Variants in CCDC171 observed in about 807,000 individuals in gnomAD.
CCDC171 encodes the protein coiled-coil domain-containing protein 171.
Under a neutral mutation model 168.2 loss-of-function variants are expected in CCDC171, and 177 were observed. The observed-to-expected ratio is 1.05, with a 90% CI of 0.93 to 1.19. The LOEUF (loss-of-function observed/expected upper bound fraction) is 1.19, where lower values mean the gene tolerates loss of function less well. Ranked by LOEUF, CCDC171 falls within the 50% of genes most tolerant of loss-of-function variation. The pLI, the probability that CCDC171 is intolerant of heterozygous loss-of-function variation, is 0.00. For missense variants in CCDC171, 1,991 were observed against 1,539.0 expected (o/e 1.29, Z -4.91); for synonymous variants, 687 against 540.8 (o/e 1.27, Z -3.75).
rs532942313 is a variant in CCDC171, at chr9:15,800,124, A to G, written c.3267+15430A>G. On this transcript the variant is annotated intron_variant, in intron 21 of 25. Transcript: ENST00000380701. ...TATACCAATTTCCCTTCTTTTGGGT[A>G]TATACCCAGCAGTGGGATTGCTGGA... is the stretch of plus-strand genomic sequence containing the variant. Among the ~76,000 whole-genome samples the G allele has an allele frequency of 8.5e-5, 13 of 152,258 alleles. No homozygotes were observed. The South Asian group carries it at 2.3e-3, about 27-fold the overall frequency.
chr9:15,987,270 A>T (rs1438677813), intron 3 of CCDC171, among the ~76,000 whole-genome samples: 1 of 152,100 alleles, frequency 6.6e-6, no homozygotes, highest in African/African-American at 2.4e-5. Flanking sequence ...CATTTAAAGA[A>T]CTCCTAAAAA....
chr9:15,993,953 T>A (rs1832289873), intron 3 of CCDC171, among the ~76,000 whole-genome samples: 1 of 152,090 alleles, frequency 6.6e-6, no homozygotes, highest in Non-Finnish European at 1.5e-5. Flanking sequence ...GATGGATAGG[T>A]TGTGGAGAAA....
chr9:15,819,687 A>G lies in CCDC171; in HGVS notation c.3268-27015A>G, dbSNP rs1357330000. On this transcript the variant is annotated intron_variant, in intron 21 of 25. Transcript: ENST00000380701. ...CAATACAGGAACACCCAGATTCATA[A>G]AGCAAGTCCTGAGTGACCTACAAAG... is the stretch of plus-strand genomic sequence containing the variant. Among the ~76,000 whole-genome samples, 11 of 117,804 alleles carry G rather than the reference A, an allele frequency of 9.3e-5. 2 individuals carry two copies. Among genetic ancestry groups the G allele is most frequent in the Non-Finnish European group, 2.1e-4 (11 of 52,422 alleles). 77.3% of individuals were successfully genotyped at this position (117,804 alleles called of 152,430 possible).
intron 20 of CCDC171, among the ~76,000 whole-genome samples, chr9:15,780,887 C>A (rs1049452226): frequency 2.6e-5 from 4 of 151,958 alleles, no homozygotes; most frequent in African/African-American, 9.7e-5. Flanking sequence ...TGCCATTTTA[C>A]TTAAATAATA....
intron 23 of CCDC171, among the ~76,000 whole-genome samples, chr9:15,860,081 ATAG>A (rs1438324293): frequency 2.0e-5 from 3 of 151,186 alleles, no homozygotes; most frequent in African/African-American, 7.3e-5. Context: ...ATAATTGTTC[ATAG>A]TAGTCTCTCA....
chr9:16,008,738 C>G (rs990130965), intron 3 of CCDC171, among the ~76,000 whole-genome samples: 1 of 152,176 alleles, frequency 6.6e-6, no homozygotes, highest in African/African-American at 2.4e-5. Context: ...TATACAGTAA[C>G]ATCTAACACC....
At chr9:15,696,446 A>G (rs1331203847) in intron 11 of CCDC171, among the ~76,000 whole-genome samples, 1 of 152,238 alleles carries the variant, frequency 6.6e-6, no homozygotes, top group African/African-American at 2.4e-5. Flanking sequence ...CTGTATCATA[A>G]TCATAATTTG....
Position 15,585,815 on chromosome 9 carries a change from T to C in CCDC171, c.353-5551T>C, listed in dbSNP as rs184304969. On this transcript the variant is annotated intron_variant, in intron 4 of 25. Coordinates refer to ENST00000380701, the MANE Select transcript of CCDC171 (RefSeq NM_173550.4). The stretch of plus-strand genomic sequence containing the variant: ...CAACATAGTGAAACCCCATCTCTAC[T>C]AAAAACAAAAACTAGCCAGGCATGG... Among the ~76,000 whole-genome samples, 403 of 152,040 alleles carry C rather than the reference T, an allele frequency of 2.7e-3. 3 individuals are homozygous for C. The highest frequency in any genetic ancestry group is 1.0e-3 in the Non-Finnish European group (68 of 67,976).
intron 24 of CCDC171, among the ~76,000 whole-genome samples, chr9:15,916,174 A>G (rs1824475066): frequency 6.6e-6 from 1 of 151,916 alleles, no homozygotes; most frequent in African/African-American, 2.4e-5. Context: ...TCTCAGAAAT[A>G]TTGAATCTTT....
chr9:16,067,807 G>C, the CCDC171 span, among the ~76,000 whole-genome samples: 1 of 152,138 alleles, frequency 6.6e-6, no homozygotes, highest in East Asian at 1.9e-4. Flanking sequence ...GTTCTGTTCT[G>C]TTCCATTGAT....
intron 16 of CCDC171, among the ~76,000 whole-genome samples, chr9:15,731,101 T>G (rs1408852779): frequency 1.3e-5 from 2 of 152,088 alleles, no homozygotes; most frequent in Non-Finnish European, 2.9e-5. Flanking sequence ...CTTGCTATTG[T>G]GAAATACACA....
intron 7 of CCDC171, among the ~76,000 whole-genome samples, chr9:15,628,966 G>T (rs1481412903): frequency 1.3e-5 from 2 of 152,184 alleles, no homozygotes; most frequent in Non-Finnish European, 2.9e-5. Context: ...ATGCAGCTGA[G>T]GGTCCTGTCT....
chr9:15,650,013 T>G (rs7038778), intron 7 of CCDC171, among the ~76,000 whole-genome samples: 68,593 of 151,584 alleles, frequency 0.45, 15,774 homozygotes, highest in Non-Finnish European at 0.5. Context: ...TGTCCAACCA[T>G]GATAGACTGG....
At chr9:15,764,383 A>G (rs1254838090) in intron 18 of CCDC171, among the ~76,000 whole-genome samples, 6 of 152,230 alleles carry the variant, frequency 3.9e-5, no homozygotes, top group African/African-American at 1.4e-4. Context: ...ATGAGGAACA[A>G]TGGTAGCTTG....
At chr9:16,028,396 A>C (rs12379466) in intron 6 of CCDC171, among the ~76,000 whole-genome samples, 2 of 152,012 alleles carry the variant, frequency 1.3e-5, no homozygotes, top group Non-Finnish European at 2.9e-5. Context: ...AAAGCAGACC[A>C]AAGTAGATCT....
chr9:15,608,291 C>T (rs1286193834), intron 6 of CCDC171, among the ~76,000 whole-genome samples: 4 of 152,214 alleles, frequency 2.6e-5, no homozygotes, highest in African/African-American at 9.6e-5. Context: ...AACCATAACA[C>T]TGACATTGAG....
chr9:15,978,751 A>C (rs1434616292), downstream of CCDC171, among the ~76,000 whole-genome samples: 1 of 152,194 alleles, frequency 6.6e-6, no homozygotes, highest in Non-Finnish European at 1.5e-5. Context: ...AATATAGTTC[A>C]CGTAACATAC....
At chr9:15,678,636 TTA>T in intron 9 of CCDC171, 120 bp from the exon 10 acceptor site, 1 of 717,890 alleles carries the variant, frequency 1.4e-6, no homozygotes, top group Non-Finnish European at 2.1e-6. Flanking sequence ...GGAGTTAGCC[TTA>T]AAAAGTCTTT....
chr9:15,688,371 G>T (rs2050558948), intron 10 of CCDC171, among the ~76,000 whole-genome samples: 1 of 152,062 alleles, frequency 6.6e-6, no homozygotes, highest in Non-Finnish European at 1.5e-5. Flanking sequence ...ATCATTCTGT[G>T]AAATCAGTAT....
Sources: allele counts gnomAD v4.1 joint callset (sites outside exome capture counted in the v4.1 genomes callset), GRCh38; gene constraint gnomAD v4.1.1; transcripts MANE v1.5; gene names NCBI Gene and HGNC (gene_info 2026-07-23, HGNC 2026-07-21).